ZBTB46: variants seen among roughly 807,000 people sequenced by gnomAD.
ZBTB46 encodes zinc finger and BTB domain containing 46, also known as zinc finger and BTB domain-containing protein 46.
ZBTB46 carries 8 observed loss-of-function variants against 44.1 expected under a neutral mutation model. The ratio of observed to expected loss-of-function variants is 0.18; its 90% confidence interval spans 0.11 to 0.33. The LOEUF is 0.33. Among genes scored for constraint, ZBTB46 ranks in the 10% least tolerant of loss-of-function variants. ZBTB46 has a pLI of 1.00. For synonymous variants in ZBTB46, 409 were observed against 382.3 expected (o/e 1.07, Z -0.81); for missense variants, 651 against 847.7 (o/e 0.77, Z 2.88).
upstream of ZBTB46, chr20:63,831,300 GCCCGCGCGCGCGCGC>G (rs2092850253): frequency 9.1e-6 from 1 of 110,428 alleles, no homozygotes; most frequent in African/African-American, 3.8e-5. Context: ...GGCCCCCGCC[GCCCGCGCGCGCGCGC>G]CCCGCCCGCG....
chr20:63,797,847 G>A (rs1333949684), intron 1 of ZBTB46, among the ~76,000 whole-genome samples: 3 of 152,156 alleles, frequency 2.0e-5, no homozygotes, highest in African/African-American at 7.2e-5. Flanking sequence ...TTTTGATGGG[G>A]TTGTTTGATT....
intron 1 of ZBTB46, among the ~76,000 whole-genome samples, chr20:63,816,194 G>A (rs2092756992): frequency 6.6e-6 from 1 of 151,972 alleles, no homozygotes; most frequent in Non-Finnish European, 1.5e-5. Flanking sequence ...GGGCACAGGT[G>A]CAGTGAGCAA....
intron 2 of ZBTB46, among the ~76,000 whole-genome samples, chr20:63,784,486 C>T (rs893183047): frequency 2.6e-5 from 4 of 152,192 alleles, no homozygotes; most frequent in East Asian, 1.9e-4. Context: ...GTAGCAGCAC[C>T]GCTTAGGCAT....
At chr20:63,820,241 C>T (rs1399089532) in intron 1 of ZBTB46, among the ~76,000 whole-genome samples, 1 of 151,844 alleles carries the variant, frequency 6.6e-6, no homozygotes, top group Non-Finnish European at 1.5e-5. Flanking sequence ...CTACAGGCAC[C>T]CGCCACCACA....
chr20:63,759,137 T>C (rs986418249), intron 3 of ZBTB46, among the ~76,000 whole-genome samples: 1 of 152,248 alleles, frequency 6.6e-6, no homozygotes, highest in African/African-American at 2.4e-5. Context: ...TTTATAGTTT[T>C]CTGTGTAGAG....
chr20:63,802,914 C>A (rs537336334), intron 1 of ZBTB46, among the ~76,000 whole-genome samples: 2 of 152,218 alleles, frequency 1.3e-5, no homozygotes, highest in African/African-American at 4.8e-5. Context: ...CTCAGACCTC[C>A]GGCCTCCAGG....
rs550027575 is a variant in ZBTB46 at position 63,752,893 on chromosome 20, G to A, written c.1223-32C>T. The A allele has an allele frequency of 8.9e-6, 14 of 1,571,610 alleles. No individual in the cohort carries two copies. In the South Asian group the frequency reaches 1.1e-4, roughly 13 times the overall value. On this transcript the variant is annotated intron_variant, in intron 3 of 4. Coordinates refer to ENST00000245663, the MANE Select transcript of ZBTB46 (RefSeq NM_001369741.1). This position sits in a 1 kb window ranked among gnomAD's most constrained non-coding sequence, Gnocchi z 5.6. ...GAGAGGGACCCGCGAGGCGTCAGCA[G>A]GGCTTGGGATGTACCGCCCTGCGGC...
rs79271056 is a variant in ZBTB46 at position 63,786,037 on chromosome 20, G to A, written c.937+3784C>T. Among the ~76,000 whole-genome samples the A allele has an allele frequency of 3.2e-4, 48 of 152,298 alleles. No individual in the cohort carries two copies. The East Asian group carries it at 8.5e-3, about 27-fold the overall frequency. On this transcript the variant is annotated intron_variant, in intron 2 of 4. Coordinates refer to ENST00000245663, the MANE Select transcript of ZBTB46 (RefSeq NM_001369741.1). ...CTCATAATACAAAGGCCTCCAGCAC[G>A]GGCACCTGCCAGCGAGTTACGTGCA... is the stretch of plus-strand genomic sequence containing the variant.
intron 3 of ZBTB46, chr20:63,769,262 A>AG (rs2092346866): frequency 1.0e-6 from 1 of 985,206 alleles, no homozygotes. Flanking sequence ...GAGCTGGGGG[A>AG]GGCTGTGCCG....
intron 1 of ZBTB46, among the ~76,000 whole-genome samples, chr20:63,826,398 G>A (rs1215662220): frequency 1.3e-5 from 2 of 152,196 alleles, no homozygotes; most frequent in East Asian, 1.9e-4. Flanking sequence ...GCCCGGGGGC[G>A]ACACCTGGGC....
At chr20:63,832,366 G>T (rs1446084399), upstream of ZBTB46, among the ~76,000 whole-genome samples, 1 of 152,048 alleles carries the variant, frequency 6.6e-6, no homozygotes, top group Non-Finnish European at 1.5e-5. This position sits in a 1 kb window ranked among gnomAD's most constrained non-coding sequence, Gnocchi z 5.0. Flanking sequence ...GCAGCCGCGC[G>T]AGGGAGTCGA....
intron 3 of ZBTB46, among the ~76,000 whole-genome samples, chr20:63,766,557 T>C (rs1395362891): frequency 1.3e-5 from 2 of 151,740 alleles, no homozygotes; most frequent in Non-Finnish European, 2.9e-5. Context: ...AAAGCTTCAT[T>C]TTCTCTACAA....
chr20:63,774,700 TTTTTTTTTTG>T (rs1568853022), intron 3 of ZBTB46, among the ~76,000 whole-genome samples: 24 of 119,306 alleles, frequency 2.0e-4, no homozygotes, highest in Non-Finnish European at 3.4e-4. Context: ...TTTTTTTTGT[TTTTTTTTTTG>T]TTTTTTTTTT....
At chr20:63,790,993 C>T (rs2092556466) in intron 1 of ZBTB46, 3 of 647,538 alleles carry the variant, frequency 4.6e-6, no homozygotes, top group East Asian at 3.1e-5. Flanking sequence ...GGCACCAGTG[C>T]GTCCAGGGTG....
rs2092525631 is a variant in ZBTB46 at position 63,787,513 on chromosome 20, C to T, written c.937+2308G>A. 6.6e-6 allele frequency among the ~76,000 whole-genome samples: 1 copy of T among 152,176 alleles called. No individual in the cohort carries two copies. Among genetic ancestry groups the T allele is most frequent in the African/African-American group, 2.4e-5 (1 of 41,450 alleles). On this transcript the variant is annotated intron_variant, in intron 2 of 4. Coordinates refer to ENST00000245663, the MANE Select transcript of ZBTB46 (RefSeq NM_001369741.1). This position sits in a 1 kb window ranked among gnomAD's most constrained non-coding sequence, Gnocchi z 4.6. ...TTGTATACCCTATTTTTACAGCACC[C>T]TTTCTATGTTTAGACACACAAACAC...
chr20:63,776,312 C>T (rs2092425483), intron 2 of ZBTB46, among the ~76,000 whole-genome samples: 1 of 152,210 alleles, frequency 6.6e-6, no homozygotes, highest in African/African-American at 2.4e-5. Flanking sequence ...GCTCCTGGGG[C>T]GGCAGTATTT....
intron 1 of ZBTB46, among the ~76,000 whole-genome samples, chr20:63,796,537 T>A (rs2092605505): frequency 6.6e-6 from 1 of 152,276 alleles, no homozygotes; most frequent in South Asian, 2.1e-4. Context: ...TTTAAAATTC[T>A]GCTTAAGGCC....
intron 1 of ZBTB46, among the ~76,000 whole-genome samples, chr20:63,821,623 T>C (rs887487080): frequency 3.9e-5 from 6 of 151,968 alleles, no homozygotes; most frequent in African/African-American, 1.5e-4. Flanking sequence ...TGTGTATATA[T>C]TTTTAGTATA....
intron 1 of ZBTB46, chr20:63,815,268 CCGG>C (rs1601530086): frequency 3.8e-6 from 1 of 262,354 alleles, no homozygotes; most frequent in African/African-American, 2.5e-5. Flanking sequence ...CAGGTGGGCA[CCGG>C]TGCAGTGAGT....
Sources: gnomAD v4.1 joint callset for allele counts (sites outside exome capture counted in the v4.1 genomes callset) on GRCh38, gnomAD v4.1.1 for gene constraint, Gnocchi (gnomAD v3.1) non-coding constraint, MANE v1.5 for transcripts, NCBI Gene and HGNC (gene_info 2026-07-23, HGNC 2026-07-21) for gene names.